PCDHA13: variants seen among roughly 807,000 people sequenced by gnomAD.
The protein encoded by PCDHA13 is protocadherin alpha 13.
A neutral mutation model predicts 64.8 loss-of-function variants in PCDHA13; 54 were observed. That is an observed-to-expected ratio of 0.83 (90% CI 0.67 to 1.04). The LOEUF (loss-of-function observed/expected upper bound fraction) is 1.04, where lower values mean the gene tolerates loss of function less well. PCDHA13 is among the 50% of genes least tolerant of loss of function. The pLI is 0.00. For synonymous variants in PCDHA13, 587 were observed against 564.4 expected (o/e 1.04, Z -0.57); for missense variants, 1,248 against 1,254.3 (o/e 0.99, Z 0.08).
intron 1 of PCDHA13, among the ~76,000 whole-genome samples, chr5:140,921,217 T>G (rs2080100928): frequency 6.6e-6 from 1 of 152,122 alleles, no homozygotes; most frequent in African/African-American, 2.4e-5. Flanking sequence ...ATTCACGTCT[T>G]TTTTGCTAGA....
At position 140,883,092 on chromosome 5, in the gene PCDHA13, G is replaced by C. The variant is rs782675726; in HGVS notation, c.824G>C (p.Gly275Ala). 2 of 1,614,108 alleles carry C rather than the reference G, an allele frequency of 1.2e-6. No individual in the cohort carries two copies. The highest frequency in any genetic ancestry group is 1.7e-6 in the Non-Finnish European group (2 of 1,180,026). ...ACAGATCCTGATGATGGTACAAATG[G>C]AGATATAGTTTACTCATTTAGAAGG... ...NATDPDDGTN[G>A]DIVYSFRRPV... The change falls in exon 1 of 4, where the codon GGA becomes GCA. Residue 275 changes from glycine (G) to alanine (A), a missense_variant. Gly to Ala is a moderately conservative substitution (Grantham distance 60, BLOSUM62 0). Transcript: ENST00000289272.
intron 1 of PCDHA13, among the ~76,000 whole-genome samples, chr5:140,933,393 C>G (rs1419190705): frequency 2.6e-5 from 4 of 151,956 alleles, no homozygotes; most frequent in Admixed American, 1.3e-4. Context: ...CTAGAGCCAT[C>G]TGGTTACCAT....
intron 1 of PCDHA13, among the ~76,000 whole-genome samples, chr5:140,889,476 C>G (rs2062241146): frequency 6.6e-6 from 1 of 152,054 alleles, no homozygotes; most frequent in South Asian, 2.1e-4. Flanking sequence ...TATGCTCATA[C>G]TTTCTACAGA....
intron 3 of PCDHA13, among the ~76,000 whole-genome samples, chr5:140,983,126 G>A (rs1466016868): frequency 6.6e-6 from 1 of 152,206 alleles, no homozygotes; most frequent in African/African-American, 2.4e-5. Context: ...ACATTCTGCA[G>A]ACTGACTTTT....
At chr5:140,915,626 GTCTCTCTCTC>G (rs57920489) in intron 1 of PCDHA13, among the ~76,000 whole-genome samples, 5 of 146,436 alleles carry the variant, frequency 3.4e-5, no homozygotes, top group Admixed American at 2.0e-4. Context: ...GTCTCTTTCT[GTCTCTCTCTC>G]TCTCTCTCTC....
intron 1 of PCDHA13, among the ~76,000 whole-genome samples, chr5:140,940,372 A>G (rs1173605569): frequency 1.3e-5 from 2 of 151,970 alleles, no homozygotes; most frequent in Admixed American, 6.6e-5. Flanking sequence ...GTATTCCTTG[A>G]GTTGTTAATT....
Position 140,883,984 on chromosome 5 carries a change from C to G in PCDHA13, c.1716C>G (p.Ser572Arg). The G allele has an allele frequency of 6.2e-7, 1 of 1,612,820 alleles. No homozygotes were observed. The highest frequency in any genetic ancestry group is 2.2e-5 in the East Asian group (1 of 44,852). ...APALLTPGAG[S>R]AGGTVSELMP... is the part of the protein sequence containing the mutation. ...CGCTGCTGACGCCCGGGGCTGGCAG[C>G]GCGGGAGGCACAGTGAGCGAGCTGA... Residue 572 changes from serine to arginine, a missense_variant, in exon 1 of 4, where the codon AGC becomes AGG. Coordinates refer to ENST00000289272, the MANE Select transcript of PCDHA13 (RefSeq NM_018904.3).
intron 1 of PCDHA13, chr5:140,967,458 A>T (rs1042156831): frequency 6.2e-7 from 1 of 1,613,546 alleles, no homozygotes; most frequent in Non-Finnish European, 8.5e-7. Flanking sequence ...ACAGCCGTGG[A>T]TGGGGGCATC....
intron 1 of PCDHA13, chr5:140,927,582 G>C (rs1554204771): frequency 1.2e-6 from 2 of 1,614,174 alleles, no homozygotes; most frequent in Non-Finnish European, 8.5e-7. Context: ...ATGACAACGC[G>C]CCTGTATTTG....
rs139214405 is a variant in PCDHA13, at chr5:140,927,269, C to A, written c.2394+42607C>A. The A allele has an allele frequency of 2.4e-5, 38 of 1,614,024 alleles. No individual in the cohort carries two copies. In the African/African-American group the frequency reaches 3.9e-4, roughly 16 times the overall value. On this transcript the variant is annotated intron_variant, in intron 1 of 3. Transcript: ENST00000289272. ...AATGACAACTCACCTCTCTTTCCTG[C>A]CGGCGACGTGCAGCTGCACATCCCC...
intron 1 of PCDHA13, chr5:140,969,442 T>G (rs1554231813): frequency 1.6e-5 from 25 of 1,543,830 alleles, no homozygotes; most frequent in Non-Finnish European, 2.2e-5. Flanking sequence ...AGTTATCTGG[T>G]AAACTGAGTA....
At chr5:141,003,328 G>C (rs941196932) in intron 3 of PCDHA13, among the ~76,000 whole-genome samples, 1 of 152,102 alleles carries the variant, frequency 6.6e-6, no homozygotes, top group Admixed American at 6.5e-5. Flanking sequence ...AGAGGGCAGG[G>C]TTTTTTGTTT....
Position 140,961,453 on chromosome 5 carries a change from C to A in PCDHA13, c.2395-17496C>A, listed in dbSNP as rs138800149. On this transcript the variant is annotated intron_variant, in intron 1 of 3. Transcript: ENST00000289272. ...AAAATCACCTAACTACACTGTCTTG[C>A]AGCTGCCTTTCTTTTTTTGTCTTGT... Among the ~76,000 whole-genome samples the A allele has an allele frequency of 2.6e-3, 401 of 152,318 alleles. 1 individual carries two copies. The highest frequency in any genetic ancestry group is 9.2e-3 in the African/African-American group (384 of 41,574).
rs2095730579 is a variant in PCDHA13 at position 140,963,035 on chromosome 5, T to C, written c.2395-15914T>C. Among the ~76,000 whole-genome samples, 3 of 152,330 alleles carry C rather than the reference T, an allele frequency of 2.0e-5. No individual in the cohort carries two copies. The South Asian group carries it at 6.2e-4, about 32-fold the overall frequency. On this transcript the variant is annotated intron_variant, in intron 1 of 3. Transcript: ENST00000289272. ...AAGAAAATGAAGCAATTAACATTTA[T>C]TGAGAGTCTATAAGGGTTTCTACAT...
At chr5:140,968,813 A>G (rs1554231120) in intron 1 of PCDHA13, 1 of 1,614,194 alleles carries the variant, frequency 6.2e-7, no homozygotes, top group South Asian at 1.1e-5. Context: ...TGTGGTGGAT[A>G]GGGTTTCCAA....
intron 1 of PCDHA13, chr5:140,926,980 A>C: frequency 3.1e-6 from 5 of 1,610,364 alleles, no homozygotes; most frequent in Non-Finnish European, 4.2e-6. Flanking sequence ...GCCGGAGGAG[A>C]CGGAGCGGGG....
In PCDHA13 at chr5:140,884,276, G is replaced by A. The variant is rs2060082773; in HGVS notation, c.2008G>A (p.Val670Met). ...CACGGCAACGGTGCTGTTGTCGCTGGTGGAGAGCGGCCAAGCGCCACAGGC... is the reference window on the plus strand; with the variant it reads ...CACGGCAACGGTGCTGTTGTCGCTGATGGAGAGCGGCCAAGCGCCACAGGC... The part of the protein sequence containing the change: ...TATATVLLSL[V>M]ESGQAPQASS... The change falls in exon 1 of 4, where the codon GTG becomes ATG. Residue 670 changes from valine (V) to methionine (M), a missense_variant. Transcript: ENST00000289272. The A allele has an allele frequency of 2.5e-6, 4 of 1,613,638 alleles. No individual in the cohort carries two copies. Among genetic ancestry groups the A allele is most frequent in the East Asian group, 2.2e-5 (1 of 44,874 alleles).
At chr5:141,000,381 CTCTCTCTCTCTCTCTA>C (rs1443323474) in intron 3 of PCDHA13, among the ~76,000 whole-genome samples, 1 of 61,380 alleles carries the variant, frequency 1.6e-5, no homozygotes, top group African/African-American at 7.4e-5. Flanking sequence ...CTCTCTCTCT[CTCTCTCTCTCTCTCTA>C]TATATATATA....
At chr5:140,909,094 T>C (rs1445563506) in intron 1 of PCDHA13, among the ~76,000 whole-genome samples, 1 of 152,196 alleles carries the variant, frequency 6.6e-6, no homozygotes, top group Admixed American at 6.5e-5. Context: ...TACTTCTCAC[T>C]CACTGGGTCC....
Sources: allele counts gnomAD v4.1 joint callset (sites outside exome capture counted in the v4.1 genomes callset), GRCh38; gene constraint gnomAD v4.1.1; transcripts MANE v1.5; gene names NCBI Gene and HGNC (gene_info 2026-07-23, HGNC 2026-07-21).